CSNK1G2: variants seen among roughly 807,000 people sequenced by gnomAD.
The protein encoded by CSNK1G2 is casein kinase 1 gamma 2.
In CSNK1G2, 11 loss-of-function variants were observed where a neutral mutation model predicts 48.0. That is an observed-to-expected ratio of 0.23 (90% confidence interval 0.14 to 0.38). CSNK1G2 has a LOEUF of 0.38. Ranked by LOEUF, CSNK1G2 falls within the 10% of genes least tolerant of loss-of-function variation. The probability of loss-of-function intolerance (pLI) is 1.00; values close to 1 mark genes in which losing one functional copy is unlikely to be tolerated. For synonymous variants in CSNK1G2, 337 were observed against 254.1 expected (o/e 1.33, Z -3.10); for missense variants, 446 against 595.5 (o/e 0.75, Z 2.61).
chr19:1,958,527 C>A (rs914201902), intron 1 of CSNK1G2, among the ~76,000 whole-genome samples: 1 of 134,504 alleles, frequency 7.4e-6, no homozygotes, highest in African/African-American at 2.8e-5. Context: ...AGGCACTGTC[C>A]CCTGTCCCTC....
In CSNK1G2 at chr19:1,978,460, GC is replaced by G; in HGVS notation, c.251del (p.Pro84ArgfsTer60). ...CCCCCAGGAGCCGATCAAGTCCCGG[GC>G]CCCGCAGCTGCACCTGGAGTACCGG... ...AIKLEPIKSR[A>X]PQLHLEYRFY... On this transcript the variant is annotated frameshift_variant, in exon 4 of 12. Transcript: ENST00000255641. LOFTEE classifies it high-confidence loss of function. This position sits in a 1 kb window ranked among gnomAD's most constrained non-coding sequence, Gnocchi z 7.3. The G allele has an allele frequency of 6.2e-7, 1 of 1,607,612 alleles. No homozygotes were observed. The highest frequency in any genetic ancestry group is 8.5e-7 in the Non-Finnish European group (1 of 1,177,688).
At chr19:1,950,966 A>G (rs931304707) in intron 1 of CSNK1G2, among the ~76,000 whole-genome samples, 1 of 146,020 alleles carries the variant, frequency 6.8e-6, no homozygotes, top group Non-Finnish European at 1.5e-5. Flanking sequence ...CCCCGTGCCC[A>G]GTTTTCAGGG....
chr19:1,955,863 C>T (rs1403787630), intron 1 of CSNK1G2, among the ~76,000 whole-genome samples: 1 of 152,210 alleles, frequency 6.6e-6, no homozygotes, highest in East Asian at 1.9e-4. Flanking sequence ...AGGCCGGGCA[C>T]AGGGAGGCCA....
chr19:1,942,063 TG>T (rs912948174), intron 1 of CSNK1G2, among the ~76,000 whole-genome samples: 1 of 150,814 alleles, frequency 6.6e-6, no homozygotes, highest in African/African-American at 2.4e-5. Flanking sequence ...CAGGGGGTGG[TG>T]GGGGGGAGGA....
In CSNK1G2 at chr19:1,975,012, G is replaced by A. The variant is rs931610841; in HGVS notation, c.188-3293G>A. ...TCCTCCAGGAGTCTGCAGATCCACA[G>A]GCCTCAGATGCTGCCACACCCACCC... On this transcript the variant is annotated intron_variant, in intron 2 of 11. Coordinates refer to ENST00000255641, the MANE Select transcript of CSNK1G2 (RefSeq NM_001319.7). 16 of 961,428 alleles carry A rather than the reference G, an allele frequency of 1.7e-5. No individual in the cohort carries two copies. The African/African-American group carries it at 1.9e-4, about 12-fold the overall frequency. 59.6% of individuals were successfully genotyped at this position (961,428 alleles called of 1,614,324 possible). A position where few individuals can be genotyped will look rare whatever the true frequency, so the allele number is the denominator to read the frequency against.
chr19:1,971,853 T>C (rs2015583885), intron 2 of CSNK1G2, among the ~76,000 whole-genome samples: 2 of 145,130 alleles, frequency 1.4e-5, no homozygotes, highest in South Asian at 4.3e-4. Context: ...CACTGCAAGC[T>C]CCGCGTCCCG....
intron 2 of CSNK1G2, among the ~76,000 whole-genome samples, chr19:1,977,049 C>T (rs185093806): frequency 1.3e-5 from 2 of 152,292 alleles, no homozygotes; most frequent in East Asian, 1.9e-4. Flanking sequence ...ACAGAGGCCT[C>T]ATTCTGCAGC....
chr19:1,945,839 A>G (rs115933900), intron 1 of CSNK1G2, among the ~76,000 whole-genome samples: 2,106 of 140,364 alleles, frequency 0.015, 59 homozygotes, highest in African/African-American at 0.05. Context: ...AAAAAAAAAA[A>G]AGCTGGTTCT....
chr19:1,973,254 C>A (rs907273626), intron 2 of CSNK1G2, among the ~76,000 whole-genome samples: 1 of 150,448 alleles, frequency 6.6e-6, no homozygotes, highest in Non-Finnish European at 1.5e-5. Context: ...GACAGAGTCT[C>A]ACTCTCTTGC....
intron 1 of CSNK1G2, among the ~76,000 whole-genome samples, chr19:1,955,957 C>T (rs1214900791): frequency 6.6e-6 from 1 of 152,202 alleles, no homozygotes; most frequent in East Asian, 1.9e-4. Context: ...TCAGAACAGA[C>T]GCCAGCGGGG....
At chr19:1,973,834 T>C (rs557529848) in intron 2 of CSNK1G2, among the ~76,000 whole-genome samples, 12 of 152,188 alleles carry the variant, frequency 7.9e-5, no homozygotes, top group Non-Finnish European at 1.2e-4. Flanking sequence ...TGTTTCTTAG[T>C]CCATTTTGTG....
chr19:1,980,125 T>G, intron 11 of CSNK1G2, 24 bp from the exon 12 acceptor site: 2 of 1,612,620 alleles, frequency 1.2e-6, no homozygotes. Context: ...CCGGTCCTCC[T>G]ACCTGAGCCA....
At chr19:1,971,602 C>A (rs1480813875) in intron 2 of CSNK1G2, among the ~76,000 whole-genome samples, 2 of 152,192 alleles carry the variant, frequency 1.3e-5, no homozygotes, top group Non-Finnish European at 2.9e-5. Context: ...CACACAGGCT[C>A]ATCTGCACAC....
rs748053865 is a variant in CSNK1G2, at chr19:1,980,416, C to T, written c.*213C>T. ...TGTAAGACTTTGGCCGAAATTTCTA[C>T]ACCTGTGTCTAGTCCTCCCCTCCAA... On this transcript the variant is annotated 3_prime_UTR_variant, in exon 12 of 12. Transcript: ENST00000255641. 4.7e-6 allele frequency: 3 copies of T among 636,792 alleles called. No homozygotes were observed. The highest frequency in any genetic ancestry group is 1.8e-5 in the South Asian group (1 of 56,492). The allele number at this position is 636,792 out of a possible 1,614,324, so 39.4% of individuals were successfully genotyped here. A position where few individuals can be genotyped will look rare whatever the true frequency, so the allele number is the denominator to read the frequency against.
At chr19:1,960,530 G>A (rs2015164086) in intron 1 of CSNK1G2, among the ~76,000 whole-genome samples, 1 of 152,326 alleles carries the variant, frequency 6.6e-6, no homozygotes, top group East Asian at 1.9e-4. Context: ...GTGTGCCTGC[G>A]CCTGGGGTCT....
At chr19:1,965,319 G>T (rs370338343) in intron 1 of CSNK1G2, among the ~76,000 whole-genome samples, 7 of 150,278 alleles carry the variant, frequency 4.7e-5, no homozygotes, top group South Asian at 2.1e-4. Context: ...GGAGGCGGAG[G>T]TTGCAGTGAG....
chr19:1,964,916 C>T (rs189243321), intron 1 of CSNK1G2, among the ~76,000 whole-genome samples: 103 of 151,228 alleles, frequency 6.8e-4, no homozygotes, highest in African/African-American at 2.3e-3. Flanking sequence ...TTAGTAGAAA[C>T]GGGGTTTCAG....
In CSNK1G2 at chr19:1,980,072, G is replaced by T. The variant is rs1051947582; in HGVS notation, c.1193+55G>T. 6.3e-6 allele frequency: 10 copies of T among 1,596,578 alleles called. No individual in the cohort carries two copies. In the African/African-American group the frequency reaches 1.3e-4, roughly 21 times the overall value. Reference sequence around the variant, plus strand: ...GGTGGGGGTGCCCTGGGTCCCCATGGGGGTGGGAGGGCCTGAGGCCTGGGC... The same window carrying T: ...GGTGGGGGTGCCCTGGGTCCCCATGTGGGTGGGAGGGCCTGAGGCCTGGGC... On this transcript the variant is annotated intron_variant, in intron 11 of 11. Coordinates refer to ENST00000255641, the MANE Select transcript of CSNK1G2 (RefSeq NM_001319.7).
chr19:1,970,459 G>C (rs1004613093), intron 2 of CSNK1G2, among the ~76,000 whole-genome samples: 4 of 152,220 alleles, frequency 2.6e-5, no homozygotes, highest in Non-Finnish European at 5.9e-5. Flanking sequence ...GGCCCACCTG[G>C]CTCCGTCCCT....
Sources: allele counts gnomAD v4.1 joint callset (sites outside exome capture counted in the v4.1 genomes callset), GRCh38; gene constraint gnomAD v4.1.1; non-coding constraint Gnocchi (gnomAD v3.1); transcripts MANE v1.5; gene names NCBI Gene and HGNC (gene_info 2026-07-23, HGNC 2026-07-21).